MAP4: variants seen among roughly 807,000 people sequenced by gnomAD.
MAP4 encodes microtubule-associated protein 4.
A neutral mutation model predicts 170.2 loss-of-function variants in MAP4; 76 were observed. The observed-to-expected ratio is 0.45, with a 90% CI of 0.37 to 0.54. MAP4 has a LOEUF of 0.54. MAP4 is among the 20% of genes least tolerant of loss of function. MAP4 has a pLI of 0.00. For synonymous variants in MAP4, 909 were observed against 994.5 expected, an observed-to-expected ratio of 0.91 and a Z score of 1.62; for missense variants, 2,506 against 2,748.0, an observed-to-expected ratio of 0.91 and a Z score of 1.97.
In MAP4 at chr3:47,974,878, A is replaced by T. The variant is rs184796027; in HGVS notation, c.292+2987T>A. 4 of 968,880 alleles carry T rather than the reference A, an allele frequency of 4.1e-6. No homozygotes were observed. In the East Asian group the frequency reaches 4.6e-4, roughly 111 times the overall value. 60.0% of individuals were successfully genotyped at this position (968,880 alleles called of 1,614,324 possible). A position where few individuals can be genotyped will look rare whatever the true frequency, so the allele number is the denominator to read the frequency against. On this transcript the variant is annotated intron_variant, in intron 3 of 20. Transcript: ENST00000683076. The stretch of plus-strand genomic sequence containing the variant: ...TTAAAAACTTAAAATATCTATCATT[A>T]TTTAGATTTTAGTAAGGTGGAGAGA...
chr3:47,892,403 G>A (rs2100024482), intron 10 of MAP4: 1 of 1,536,198 alleles, frequency 6.5e-7, no homozygotes, highest in Non-Finnish European at 8.7e-7. Context: ...TTCTTTTGGG[G>A]AGTCCATTCG....
intron 1 of MAP4, among the ~76,000 whole-genome samples, chr3:48,030,798 CAAAAAA>C (rs71625847): frequency 3.4e-5 from 1 of 29,062 alleles, no homozygotes; most frequent in East Asian, 1.7e-3. Context: ...GACTCCATCT[CAAAAAA>C]AAAAAAAAAA....
chr3:47,955,570 T>C (rs1319811504), intron 3 of MAP4, among the ~76,000 whole-genome samples: 1 of 151,750 alleles, frequency 6.6e-6, no homozygotes, highest in Non-Finnish European at 1.5e-5. Context: ...ATATACAAAG[T>C]AGTTGATGCG....
At chr3:47,897,128 T>A (rs771937933) in intron 10 of MAP4, among the ~76,000 whole-genome samples, 1 of 152,152 alleles carries the variant, frequency 6.6e-6, no homozygotes, top group Non-Finnish European at 1.5e-5. Flanking sequence ...TCCTTTTCGA[T>A]GTATCTTTAT....
intron 2 of MAP4, among the ~76,000 whole-genome samples, chr3:47,983,149 C>T (rs2100086407): frequency 6.6e-6 from 1 of 152,168 alleles, no homozygotes. Flanking sequence ...AAGTGATCTG[C>T]CTGCCTCAGC....
In MAP4 at chr3:47,871,410, T is replaced by G. The variant is rs936715484; in HGVS notation, c.5942-124A>C. 6 of 813,738 alleles carry G rather than the reference T, an allele frequency of 7.4e-6. No homozygotes were observed. In the African/African-American group the frequency reaches 8.5e-5, roughly 12 times the overall value. The allele number at this position is 813,738 out of a possible 1,614,324, so 50.4% of individuals were successfully genotyped here. On this transcript the variant is annotated intron_variant, in intron 13 of 20. Coordinates refer to ENST00000683076, the MANE Select transcript of MAP4 (RefSeq NM_001385682.1). ...ATCTACTTTGAGCCAGGGACTGTGT[T>G]AGTCCCTGGGAATGGAGTGGTAAAT...
At chr3:48,035,451 T>C (rs1353776937) in intron 1 of MAP4, among the ~76,000 whole-genome samples, 2 of 151,372 alleles carry the variant, frequency 1.3e-5, no homozygotes, top group East Asian at 1.9e-4. Context: ...CTGGGAAACA[T>C]AGGGAGATCC....
chr3:48,056,101 C>G (rs1255421932), intron 1 of MAP4, among the ~76,000 whole-genome samples: 2 of 147,964 alleles, frequency 1.4e-5, no homozygotes, highest in African/African-American at 2.5e-5. Context: ...CCACCCCGTC[C>G]GGGAGGGAGG....
intron 10 of MAP4, among the ~76,000 whole-genome samples, chr3:47,879,347 T>C (rs1343774402): frequency 4.6e-5 from 7 of 152,146 alleles, no homozygotes. Context: ...TAAAAGAATT[T>C]TTGAAAGGAT....
intron 3 of MAP4, among the ~76,000 whole-genome samples, chr3:47,975,885 G>C (rs1426283610): frequency 2.0e-5 from 3 of 151,906 alleles, no homozygotes; most frequent in Non-Finnish European, 4.4e-5. Flanking sequence ...CGCCTCCTGG[G>C]TTCAAGCGAT....
chr3:48,080,705 G>A (rs1347316812), intron 1 of MAP4, among the ~76,000 whole-genome samples: 1 of 152,170 alleles, frequency 6.6e-6, no homozygotes, highest in Non-Finnish European at 1.5e-5. Flanking sequence ...AATAGGCCGG[G>A]TGCAGTGGCT....
chr3:47,892,270 C>T, intron 10 of MAP4: 1 of 1,536,342 alleles, frequency 6.5e-7, no homozygotes, highest in South Asian at 1.2e-5. Flanking sequence ...AGAGCTTGTT[C>T]TGCTCCAGGA....
In MAP4 at chr3:47,912,270, G is replaced by A; in HGVS notation, c.2151C>T (p.Gly717=). The change falls in exon 9 of 21, where the codon GGC becomes GGT. Residue 717 remains glycine, a synonymous_variant. Coordinates refer to ENST00000683076, the MANE Select transcript of MAP4 (RefSeq NM_001385682.1). ...PPWKTLDHRL[G]HCSLSESGWV... Reference sequence around the variant, plus strand: ...AACCTGACTCAGACAAAGAGCAGTGGCCCAGCCTGTGATCAAGAGTCTTCC... The same window carrying A: ...AACCTGACTCAGACAAAGAGCAGTGACCCAGCCTGTGATCAAGAGTCTTCC... The A allele has an allele frequency of 6.5e-7, 1 of 1,536,096 alleles. No homozygotes were observed. The highest frequency in any genetic ancestry group is 8.7e-7 in the Non-Finnish European group (1 of 1,146,900).
At chr3:47,924,878 T>C (rs564045181) in intron 4 of MAP4, among the ~76,000 whole-genome samples, 1 of 152,180 alleles carries the variant, frequency 6.6e-6, no homozygotes, top group East Asian at 1.9e-4. Context: ...TGGCGTGATC[T>C]CAGCTTACTG....
intron 10 of MAP4, among the ~76,000 whole-genome samples, chr3:47,901,080 C>A (rs144404316): frequency 3.3e-5 from 5 of 152,294 alleles, no homozygotes; most frequent in Admixed American, 2.6e-4. Context: ...CCCTAGAATT[C>A]TTTACCTTAA....
intron 1 of MAP4, among the ~76,000 whole-genome samples, chr3:48,028,102 G>C (rs776071128): frequency 6.6e-6 from 1 of 152,118 alleles, no homozygotes; most frequent in Non-Finnish European, 1.5e-5. Context: ...GATCAGCCTG[G>C]CCAACATAGT....
At chr3:48,006,471 G>A (rs763238177) in intron 1 of MAP4, among the ~76,000 whole-genome samples, 1 of 152,084 alleles carries the variant, frequency 6.6e-6, no homozygotes, top group Non-Finnish European at 1.5e-5. Flanking sequence ...TGGGCCCAGT[G>A]GGTCCCTGGA....
rs767135049 is a variant in MAP4, at chr3:47,911,835, T to C, written c.2586A>G (p.Glu862=). 2.0e-6 allele frequency: 3 copies of C among 1,536,024 alleles called. 1 individual carries two copies. The South Asian group carries it at 3.6e-5, about 18-fold the overall frequency. The change falls in exon 9 of 21, where the codon GAA becomes GAG. Residue 862 remains glutamate (E), a synonymous_variant. Transcript: ENST00000683076. This position sits in a 1 kb window ranked among gnomAD's most constrained non-coding sequence, Gnocchi z 4.0. ...AACTTATTGCAGTTTTGGGGGCTTC[T>C]TCAGAAGGATATAAAGGAATTCTGA... ...ESLRIPLYPS[E]EAPKTAISSQ... is the part of the protein sequence containing the mutation.
intron 3 of MAP4, among the ~76,000 whole-genome samples, chr3:47,958,160 C>A (rs2100068990): frequency 6.6e-6 from 1 of 152,154 alleles, no homozygotes; most frequent in Admixed American, 6.5e-5. Flanking sequence ...ACAGTGAAAG[C>A]AAGGAGGACT....
Sources: gnomAD v4.1 joint callset for allele counts (sites outside exome capture counted in the v4.1 genomes callset) on GRCh38, gnomAD v4.1.1 for gene constraint, Gnocchi (gnomAD v3.1) non-coding constraint, MANE v1.5 for transcripts, NCBI Gene and HGNC (gene_info 2026-07-23, HGNC 2026-07-21) for gene names.